Variants in BORCS5 observed in about 807,000 individuals in gnomAD.
The protein encoded by BORCS5 is BLOC-1-related complex subunit 5.
In BORCS5, 17 loss-of-function variants were observed where a neutral mutation model predicts 22.1. That is an observed-to-expected ratio of 0.77 (90% CI 0.53 to 1.15). BORCS5 has a LOEUF of 1.15. Ranked by LOEUF, BORCS5 falls within the 50% of genes most tolerant of loss-of-function variation. The probability of loss-of-function intolerance (pLI) is 0.00; values close to 1 mark genes in which losing one functional copy is unlikely to be tolerated. For synonymous variants in BORCS5, 117 were observed against 99.8 expected (o/e 1.17, Z -1.03); for missense variants, 247 against 253.2 (o/e 0.98, Z 0.17).
At chr12:12,425,799 A>G (rs113193109) in intron 2 of BORCS5, among the ~76,000 whole-genome samples, 1,868 of 152,286 alleles carry the variant, frequency 0.012, 28 homozygotes, top group South Asian at 0.028. Context: ...TATTTCCTAC[A>G]GTGCTAGTAC....
chr12:12,381,661 A>C (rs1185436763), intron 2 of BORCS5, among the ~76,000 whole-genome samples: 3 of 151,376 alleles, frequency 2.0e-5, no homozygotes, highest in Non-Finnish European at 4.4e-5. Context: ...GGACTTTCAT[A>C]GTTTTGCATT....
intron 2 of BORCS5, among the ~76,000 whole-genome samples, chr12:12,409,392 C>A (rs1256576211): frequency 1.4e-5 from 2 of 144,514 alleles, no homozygotes; most frequent in Non-Finnish European, 3.0e-5. Context: ...CCACAACAGT[C>A]CCCGGTGTGT....
chr12:12,451,831 T>C (rs1335224646), intron 3 of BORCS5, among the ~76,000 whole-genome samples: 1 of 150,188 alleles, frequency 6.7e-6, no homozygotes, highest in Non-Finnish European at 1.5e-5. Flanking sequence ...GGCAGGAGAA[T>C]GGCGTGAACC....
chr12:12,428,521 C>T (rs1221407603), intron 2 of BORCS5, among the ~76,000 whole-genome samples: 4 of 152,192 alleles, frequency 2.6e-5, no homozygotes, highest in African/African-American at 9.6e-5. Context: ...TCTGTTAGAT[C>T]AGGTTTTTAA....
intron 2 of BORCS5, among the ~76,000 whole-genome samples, chr12:12,428,558 C>T (rs1050737362): frequency 7.0e-5 from 8 of 113,850 alleles, no homozygotes; most frequent in Non-Finnish European, 1.5e-4. Context: ...GGGTGCATCC[C>T]CGTATTAAAC....
chr12:12,422,342 G>A (rs1047435775), intron 2 of BORCS5, among the ~76,000 whole-genome samples: 4 of 151,848 alleles, frequency 2.6e-5, no homozygotes, highest in South Asian at 2.1e-4. Flanking sequence ...GGCCGGATGC[G>A]GTGGCTCACG....
intron 3 of BORCS5, among the ~76,000 whole-genome samples, chr12:12,438,385 A>AAAAAAAAAAAAAAAAAAAAATACAAC (rs1555156048): frequency 1.6e-5 from 2 of 126,112 alleles, no homozygotes; most frequent in African/African-American, 6.6e-5. Context: ...AAAAAACGAA[A>AAAAAAAAAAAAAAAAAAAAATACAAC]AACAACAACA....
rs1863159766 is a variant in BORCS5, at chr12:12,357,239, T to C, written c.-213T>C. 6.8e-7 allele frequency: 1 copy of C among 1,471,670 alleles called. No individual in the cohort carries two copies. Among genetic ancestry groups the C allele is most frequent in the South Asian group, 1.3e-5 (1 of 75,208 alleles). The allele number at this position is 1,471,670 out of a possible 1,614,324, so 91.2% of individuals were successfully genotyped here. A position where few individuals can be genotyped will look rare whatever the true frequency, so the allele number is the denominator to read the frequency against. ...CCGCGTGCGTTCGCGCCGCGCCTCC[T>C]TGCGTTTCTGTTCCCCAAATAGGGC... On this transcript the variant is annotated 5_prime_UTR_variant, in exon 1 of 4. Transcript: ENST00000314565.
chr12:12,448,771 C>T (rs954335747), intron 3 of BORCS5, among the ~76,000 whole-genome samples: 2 of 152,140 alleles, frequency 1.3e-5, no homozygotes, highest in Non-Finnish European at 2.9e-5. Context: ...TAGTGATCCT[C>T]CCGCCTCAGA....
At chr12:12,410,452 T>A (rs376126139) in intron 2 of BORCS5, among the ~76,000 whole-genome samples, 4 of 151,844 alleles carry the variant, frequency 2.6e-5, no homozygotes, top group Non-Finnish European at 4.4e-5. Flanking sequence ...TATGGCTAGC[T>A]AGTTTTCCCA....
At chr12:12,372,681 CCTT>C (rs1488851739) in intron 2 of BORCS5, among the ~76,000 whole-genome samples, 1 of 152,048 alleles carries the variant, frequency 6.6e-6, no homozygotes, top group Admixed American at 6.6e-5. Flanking sequence ...AAGGTGAAAT[CCTT>C]CTGAGTACTC....
rs553649612 is a variant in BORCS5 at position 12,438,257 on chromosome 12, A to T, written c.360+2472A>T. 1.0e-3 allele frequency among the ~76,000 whole-genome samples: 150 copies of T among 150,008 alleles called. No homozygotes were observed. The Middle Eastern group carries it at 0.01, about 10-fold the overall frequency. ...ATGCCTGTAGTCCCAGCTCCTCGGG[A>T]GGCTGAGGCACAAGAATCGCTTGAA... is the stretch of plus-strand genomic sequence containing the variant. On this transcript the variant is annotated intron_variant, in intron 3 of 3. Coordinates refer to ENST00000314565, the MANE Select transcript of BORCS5 (RefSeq NM_058169.6).
At position 12,451,930 on chromosome 12, in the gene BORCS5, A is replaced by T. The variant is rs200821652; in HGVS notation, c.361-13616A>T. Among the ~76,000 whole-genome samples, 61 of 27,252 alleles carry T rather than the reference A, an allele frequency of 2.2e-3. 1 individual carries two copies. Among genetic ancestry groups the T allele is most frequent in the Admixed American group, 0.016 (39 of 2,454 alleles). The allele number at this position is 27,252 out of a possible 152,430, so 17.9% of individuals were successfully genotyped here. On this transcript the variant is annotated intron_variant, in intron 3 of 3. Coordinates refer to ENST00000314565, the MANE Select transcript of BORCS5 (RefSeq NM_058169.6). ...AGACTCTTTCTCAAAAAAAAAAATT[A>T]AAAAAAAAAAAAAAAGGAAAGCAGC... is the stretch of plus-strand genomic sequence containing the variant.
Position 12,425,587 on chromosome 12 carries a change from AT to A in BORCS5, c.203-10039del, listed in dbSNP as rs147076170. The stretch of plus-strand genomic sequence containing the variant: ...CATTGTGTTTTGTATTTCCCTCATG[AT>A]TAGTGATGTCGAGCATCCTTCATAT... On this transcript the variant is annotated intron_variant, in intron 2 of 3. Coordinates refer to ENST00000314565, the MANE Select transcript of BORCS5 (RefSeq NM_058169.6). 2.5e-3 allele frequency among the ~76,000 whole-genome samples: 385 copies of A among 152,316 alleles called. 1 individual carries two copies. Among genetic ancestry groups the A allele is most frequent in the African/African-American group, 8.3e-3 (345 of 41,574 alleles).
intron 3 of BORCS5, among the ~76,000 whole-genome samples, chr12:12,445,652 C>T (rs539043183): frequency 6.9e-6 from 1 of 145,362 alleles, no homozygotes; most frequent in Non-Finnish European, 1.5e-5. Context: ...AATTTTTTTA[C>T]AGAGAGTGTC....
chr12:12,368,605 A>ATT (rs1863455831), intron 2 of BORCS5, among the ~76,000 whole-genome samples: 5 of 127,978 alleles, frequency 3.9e-5, no homozygotes, highest in African/African-American at 2.3e-4. Flanking sequence ...ACACCTGGCT[A>ATT]ATTTTTTTTT....
At chr12:12,432,805 T>G (rs1405394783) in intron 2 of BORCS5, among the ~76,000 whole-genome samples, 1 of 152,268 alleles carries the variant, frequency 6.6e-6, no homozygotes, top group Non-Finnish European at 1.5e-5. Context: ...TTATTTCATT[T>G]ATATAACACT....
chr12:12,459,973 A>T (rs756954875), intron 3 of BORCS5, among the ~76,000 whole-genome samples: 2 of 152,218 alleles, frequency 1.3e-5, no homozygotes, highest in Non-Finnish European at 2.9e-5. Context: ...AAGTACTGTA[A>T]GTCTTCAAAC....
At chr12:12,415,182 G>A (rs2136094647) in intron 2 of BORCS5, among the ~76,000 whole-genome samples, 1 of 151,868 alleles carries the variant, frequency 6.6e-6, no homozygotes, top group African/African-American at 2.4e-5. Context: ...CGGCACTTTG[G>A]GGGTCCAAGG....
Sources: allele counts gnomAD v4.1 joint callset (sites outside exome capture counted in the v4.1 genomes callset), GRCh38; gene constraint gnomAD v4.1.1; transcripts MANE v1.5; gene names NCBI Gene and HGNC (gene_info 2026-07-23, HGNC 2026-07-21).